Variants in DOCK1 observed in about 807,000 individuals in gnomAD.
DOCK1 encodes dedicator of cytokinesis protein 1.
DOCK1 carries 138 observed loss-of-function variants against 262.7 expected under a neutral mutation model. That is an observed-to-expected ratio of 0.53 (90% confidence interval 0.46 to 0.61). The LOEUF is 0.61. Among genes scored for constraint, DOCK1 ranks in the 20% least tolerant of loss-of-function variants. The pLI is 0.00. For synonymous variants in DOCK1, 866 were observed against 867.4 expected (o/e 1.00, Z 0.03); for missense variants, 1,908 against 2,370.7 (o/e 0.80, Z 4.05).
At chr10:126,942,512 C>T (rs1393156890) in intron 1 of DOCK1, among the ~76,000 whole-genome samples, 5 of 152,110 alleles carry the variant, frequency 3.3e-5, no homozygotes, top group Admixed American at 6.6e-5. Flanking sequence ...ATCGTGAAGA[C>T]CTACAAGCGT....
intron 29 of DOCK1, among the ~76,000 whole-genome samples, chr10:127,321,249 TCTCTCCTCCC>T (rs1323870782): frequency 1.1e-4 from 6 of 55,350 alleles, no homozygotes; most frequent in African/African-American, 2.8e-4. Flanking sequence ...CCTCCCCCTC[TCTCTCCTCCC>T]CTCTCCTCCC....
At chr10:127,036,161 A>G (rs929819505) in intron 18 of DOCK1, among the ~76,000 whole-genome samples, 4 of 152,140 alleles carry the variant, frequency 2.6e-5, no homozygotes, top group African/African-American at 9.7e-5. Flanking sequence ...AATTCTTACA[A>G]CCACCTTGTG....
At chr10:127,118,540 C>A (rs867752057) in intron 25 of DOCK1, among the ~76,000 whole-genome samples, 1 of 152,186 alleles carries the variant, frequency 6.6e-6, no homozygotes, top group African/African-American at 2.4e-5. Context: ...GTGCCGATGT[C>A]CAGAAAACAT....
intron 29 of DOCK1, among the ~76,000 whole-genome samples, chr10:127,313,976 G>C (rs1267281137): frequency 6.6e-6 from 1 of 152,156 alleles, no homozygotes; most frequent in Non-Finnish European, 1.5e-5. Flanking sequence ...TGCTTTGTGT[G>C]GAACGTATTT....
chr10:127,321,187 C>T (rs1049598781), intron 29 of DOCK1, among the ~76,000 whole-genome samples: 32 of 150,986 alleles, frequency 2.1e-4, no homozygotes, highest in Admixed American at 4.6e-4. Context: ...CATTCCTTCT[C>T]TCCCTCTCGC....
At chr10:127,413,913 G>GA (rs201782090) in intron 43 of DOCK1, among the ~76,000 whole-genome samples, 18 of 141,096 alleles carry the variant, frequency 1.3e-4, no homozygotes, top group East Asian at 4.3e-4. Flanking sequence ...TCAGTTTTCT[G>GA]AAAATTTTTT....
intron 1 of DOCK1, among the ~76,000 whole-genome samples, chr10:126,919,118 A>C (rs939608075): frequency 6.6e-6 from 1 of 152,194 alleles, no homozygotes; most frequent in African/African-American, 2.4e-5. Flanking sequence ...GATGAACACG[A>C]ATTGTGTGGC....
intron 35 of DOCK1, among the ~76,000 whole-genome samples, chr10:127,375,886 G>A (rs779823394): frequency 7.9e-5 from 12 of 152,140 alleles, no homozygotes; most frequent in South Asian, 2.1e-4. Context: ...TATTAGTTCC[G>A]TCTTCTTAGA....
intron 10 of DOCK1, among the ~76,000 whole-genome samples, chr10:127,002,333 G>A (rs563099737): frequency 9.2e-5 from 14 of 152,292 alleles, no homozygotes; most frequent in South Asian, 6.2e-4. Flanking sequence ...CTACGAATGC[G>A]TAGTTATATT....
chr10:126,949,264 T>C (rs2035956014), intron 1 of DOCK1, among the ~76,000 whole-genome samples: 1 of 152,088 alleles, frequency 6.6e-6, no homozygotes, highest in African/African-American at 2.4e-5. Context: ...CCTCTCCCTG[T>C]GGGGAATGGG....
At chr10:127,266,697 G>A (rs1158595652) in intron 29 of DOCK1, among the ~76,000 whole-genome samples, 1 of 152,044 alleles carries the variant, frequency 6.6e-6, no homozygotes, top group Non-Finnish European at 1.5e-5. Context: ...TGAGAATTTG[G>A]GGTGAAAAAA....
intron 29 of DOCK1, among the ~76,000 whole-genome samples, chr10:127,300,555 G>A (rs779885701): frequency 2.0e-5 from 3 of 152,152 alleles, no homozygotes; most frequent in Admixed American, 1.3e-4. Flanking sequence ...AAGAGATATC[G>A]CCCTCCCTTT....
chr10:127,242,931 C>G (rs1167309601), intron 27 of DOCK1, among the ~76,000 whole-genome samples: 1 of 152,082 alleles, frequency 6.6e-6, no homozygotes, highest in Non-Finnish European at 1.5e-5. Context: ...TCCTGTGTCT[C>G]TGTTTACAGC....
At chr10:126,935,623 T>C (rs1363993172) in intron 1 of DOCK1, among the ~76,000 whole-genome samples, 1 of 152,210 alleles carries the variant, frequency 6.6e-6, no homozygotes, top group African/African-American at 2.4e-5. Flanking sequence ...GCCTCTCTCC[T>C]TTCCTTCCTG....
chr10:127,177,082 A>G (rs2055231336), intron 27 of DOCK1: 1 of 152,078 alleles, frequency 6.6e-6, no homozygotes, highest in African/African-American at 2.4e-5. Flanking sequence ...CCCTGCATCT[A>G]CAAAGGCCAT....
Position 127,446,345 on chromosome 10 carries a change from T to TCCATCA in DOCK1, c.5414-1047_5414-1046insATCACC. Among the ~76,000 whole-genome samples, 1 of 152,064 alleles carries TCCATCA rather than the reference T, an allele frequency of 6.6e-6. No individual in the cohort carries two copies. Among genetic ancestry groups the TCCATCA allele is most frequent in the African/African-American group, 2.4e-5 (1 of 41,418 alleles). On this transcript the variant is annotated intron_variant, in intron 50 of 51. Coordinates refer to ENST00000623213, the MANE Select transcript of DOCK1 (RefSeq NM_001290223.2). The surrounding 1 kb of genome is among the most constrained non-coding windows in gnomAD (Gnocchi z 4.4). Reference sequence around the variant, plus strand: ...AGTTACTGTTTAATGGGTACAGAATTCCGTTTGGGGTGATGGAAATGTTTC... The same window carrying TCCATCA: ...AGTTACTGTTTAATGGGTACAGAATTCCATCACCGTTTGGGGTGATGGAAATGTTTC...
At chr10:127,347,987 G>A (rs1387049981) in intron 31 of DOCK1, among the ~76,000 whole-genome samples, 1 of 148,342 alleles carries the variant, frequency 6.7e-6, no homozygotes, top group Non-Finnish European at 1.5e-5. Context: ...CAGGAAACCT[G>A]CCTGCTCCAT....
intron 33 of DOCK1, 61 bp from the exon 34 acceptor site, chr10:127,373,720 C>T (rs1352811285): frequency 1.4e-6 from 2 of 1,444,374 alleles, no homozygotes; most frequent in Non-Finnish European, 1.9e-6. Context: ...TATTGACACT[C>T]AAGTCATAAA....
intron 29 of DOCK1, among the ~76,000 whole-genome samples, chr10:127,276,469 T>C (rs1396760575): frequency 6.6e-6 from 1 of 152,134 alleles, no homozygotes; most frequent in Non-Finnish European, 1.5e-5. Flanking sequence ...GGCTGTTTGA[T>C]TGTGGAAATT....
Sources: allele counts gnomAD v4.1 joint callset (sites outside exome capture counted in the v4.1 genomes callset), GRCh38; gene constraint gnomAD v4.1.1; non-coding constraint Gnocchi (gnomAD v3.1); transcripts MANE v1.5; gene names NCBI Gene and HGNC (gene_info 2026-07-23, HGNC 2026-07-21).